Variants in BACE2 observed in about 807,000 individuals in gnomAD.
BACE2 encodes the protein beta-secretase 2.
BACE2 carries 17 observed loss-of-function variants against 46.2 expected under a neutral mutation model. The observed-to-expected ratio is 0.37, with a 90% CI of 0.25 to 0.55. The LOEUF is 0.55. Among genes scored for constraint, BACE2 ranks in the 20% least tolerant of loss-of-function variants. BACE2 has a pLI of 0.82. For synonymous variants in BACE2, 277 were observed against 295.9 expected, an observed-to-expected ratio of 0.94 and a Z score of 0.66; for missense variants, 595 against 698.1, an observed-to-expected ratio of 0.85 and a Z score of 1.66.
chr21:41,234,778 C>A (rs975186529), intron 2 of BACE2, among the ~76,000 whole-genome samples: 1 of 152,226 alleles, frequency 6.6e-6, no homozygotes, highest in African/African-American at 2.4e-5. Context: ...ACTTGGCATT[C>A]CGCCAATCTT....
chr21:41,265,197 T>C (rs1988037525), intron 8 of BACE2, among the ~76,000 whole-genome samples: 1 of 150,418 alleles, frequency 6.6e-6, no homozygotes, highest in Admixed American at 6.7e-5. Flanking sequence ...TCAAGCCTCA[T>C]AGTTTATTAT....
intron 1 of BACE2, among the ~76,000 whole-genome samples, chr21:41,208,575 G>A (rs1393284891): frequency 6.6e-6 from 1 of 152,128 alleles, no homozygotes; most frequent in Non-Finnish European, 1.5e-5. Flanking sequence ...CTGAACATGG[G>A]AGTGGCTGAC....
At position 41,215,819 on chromosome 21, in the gene BACE2, T is replaced by G. The variant is rs1986448199; in HGVS notation, c.313-10447T>G. 2.0e-5 allele frequency among the ~76,000 whole-genome samples: 3 copies of G among 152,150 alleles called. No individual in the cohort carries two copies. In the South Asian group the frequency reaches 6.2e-4, roughly 32 times the overall value. The stretch of plus-strand genomic sequence containing the variant: ...ATGCTTTGCTTGGAAGTTAAGAACA[T>G]TCCCTGAATTTGAGAATATATATTT... On this transcript the variant is annotated intron_variant, in intron 1 of 8. Coordinates refer to ENST00000330333, the MANE Select transcript of BACE2 (RefSeq NM_012105.5).
chr21:41,264,825 A>T (rs1267327405), intron 8 of BACE2, among the ~76,000 whole-genome samples: 1 of 152,136 alleles, frequency 6.6e-6, no homozygotes, highest in Non-Finnish European at 1.5e-5. Context: ...GTCCACAAAA[A>T]ATCAAAAGGT....
intron 3 of BACE2, among the ~76,000 whole-genome samples, chr21:41,238,007 A>G (rs1282799894): frequency 2.6e-5 from 4 of 152,232 alleles, no homozygotes; most frequent in Non-Finnish European, 5.9e-5. Flanking sequence ...AATTTGAATC[A>G]TGTAGATTGT....
At chr21:41,224,441 G>A (rs553024932) in intron 1 of BACE2, among the ~76,000 whole-genome samples, 3 of 151,898 alleles carry the variant, frequency 2.0e-5, no homozygotes, top group African/African-American at 4.8e-5. Flanking sequence ...CACTCACCTC[G>A]GCCTCCCAAA....
intron 1 of BACE2, among the ~76,000 whole-genome samples, chr21:41,169,925 T>C (rs1424531179): frequency 6.6e-6 from 1 of 152,164 alleles, no homozygotes; most frequent in Non-Finnish European, 1.5e-5. Flanking sequence ...TAAGATGTGG[T>C]CTTGGTGCAG....
intron 3 of BACE2, among the ~76,000 whole-genome samples, chr21:41,238,514 T>G (rs954490360): frequency 2.6e-5 from 4 of 152,080 alleles, no homozygotes; most frequent in African/African-American, 9.7e-5. Flanking sequence ...GTATGTTTAT[T>G]GCGGCATTAT....
chr21:41,206,369 G>A (rs753122835), intron 1 of BACE2, among the ~76,000 whole-genome samples: 7 of 152,126 alleles, frequency 4.6e-5, no homozygotes, highest in Non-Finnish European at 1.0e-4. Context: ...CCTCCTAATA[G>A]CACCACCTTG....
In BACE2 at chr21:41,168,531, C is replaced by T; in HGVS notation, c.268C>T (p.Arg90Cys). 7.4e-7 allele frequency: 1 copy of T among 1,346,722 alleles called. No homozygotes were observed. Among genetic ancestry groups the T allele is most frequent in the Non-Finnish European group, 9.6e-7 (1 of 1,041,676 alleles). 83.4% of individuals were successfully genotyped at this position (1,346,722 alleles called of 1,614,324 possible). ...MVDNLQGDSGRGYYLEMLIGT... is the reference protein window; with the variant it reads ...MVDNLQGDSGCGYYLEMLIGT... Reference sequence around the variant, plus strand: ...AGACAACCTGCAGGGGGACTCTGGCCGCGGCTACTACCTGGAGATGCTGAT... The same window carrying T: ...AGACAACCTGCAGGGGGACTCTGGCTGCGGCTACTACCTGGAGATGCTGAT... The change falls in exon 1 of 9, where the codon CGC becomes TGC. Residue 90 changes from arginine to cysteine, a missense_variant. By Grantham distance (180) the Arg-to-Cys change is radical (BLOSUM62 -3). Transcript: ENST00000330333.
At chr21:41,267,466 T>C (rs1311315589) in intron 8 of BACE2, among the ~76,000 whole-genome samples, 1 of 152,236 alleles carries the variant, frequency 6.6e-6, no homozygotes, top group East Asian at 1.9e-4. Context: ...TTTTTATAGA[T>C]TGAGACATTT....
intron 7 of BACE2, among the ~76,000 whole-genome samples, chr21:41,253,509 G>A (rs1200161996): frequency 6.6e-6 from 1 of 151,972 alleles, no homozygotes. Context: ...GCAAAATGTG[G>A]ACATTATTTC....
intron 7 of BACE2, 80 bp from the exon 8 acceptor site, chr21:41,257,078 C>A (rs754078561): frequency 2.0e-5 from 31 of 1,546,004 alleles, no homozygotes; most frequent in South Asian, 7.1e-5. Context: ...CCTGAGCATG[C>A]GTGTGACCTC....
intron 1 of BACE2, among the ~76,000 whole-genome samples, chr21:41,225,219 G>T (rs1425918893): frequency 6.8e-6 from 1 of 147,914 alleles, no homozygotes; most frequent in East Asian, 2.0e-4. Context: ...GAACGATAGA[G>T]CGAGACTCCA....
chr21:41,170,189 A>G (rs1278741346), intron 1 of BACE2, among the ~76,000 whole-genome samples: 1 of 143,964 alleles, frequency 6.9e-6, no homozygotes, highest in East Asian at 2.1e-4. Context: ...CTGAAGAAGG[A>G]CTAAAAAATA....
At chr21:41,266,394 T>C (rs1988068476) in intron 8 of BACE2, among the ~76,000 whole-genome samples, 1 of 152,248 alleles carries the variant, frequency 6.6e-6, no homozygotes. Flanking sequence ...AGCTTATATT[T>C]AGAGGGAGCA....
At chr21:41,192,001 C>T (rs190424930) in intron 1 of BACE2, among the ~76,000 whole-genome samples, 265 of 152,300 alleles carry the variant, frequency 1.7e-3, no homozygotes, top group Non-Finnish European at 3.4e-3. Flanking sequence ...CCATTGGCTA[C>T]GGCCCATGAA....
intron 8 of BACE2, among the ~76,000 whole-genome samples, chr21:41,259,181 C>CT (rs1211856726): frequency 6.6e-6 from 1 of 152,064 alleles, no homozygotes. Flanking sequence ...GGCAGGGCAA[C>CT]TTTTTTTTCC....
At chr21:41,244,711 C>T (rs1987411587) in intron 5 of BACE2, among the ~76,000 whole-genome samples, 1 of 152,162 alleles carries the variant, frequency 6.6e-6, no homozygotes, top group Admixed American at 6.5e-5. Flanking sequence ...AGCTTGGGCT[C>T]AGAGGCCTGA....
Sources: allele counts gnomAD v4.1 joint callset (sites outside exome capture counted in the v4.1 genomes callset), GRCh38; gene constraint gnomAD v4.1.1; transcripts MANE v1.5; gene names NCBI Gene and HGNC (gene_info 2026-07-23, HGNC 2026-07-21).